UTS2B: variants seen among roughly 807,000 people sequenced by gnomAD.
UTS2B encodes urotensin 2B.
UTS2B carries 21 observed loss-of-function variants against 19.2 expected under a neutral mutation model. That is an observed-to-expected ratio of 1.09 (90% CI 0.78 to 1.58). The LOEUF (loss-of-function observed/expected upper bound fraction) is 1.58. UTS2B is among the 40% of genes most tolerant of loss of function. The pLI is 0.00. For synonymous variants in UTS2B, 57 were observed against 50.2 expected, an observed-to-expected ratio of 1.14 and a Z score of -0.58; for missense variants, 138 against 130.3, an observed-to-expected ratio of 1.06 and a Z score of -0.29.
chr3:191,303,452 C>G lies in UTS2B; in HGVS notation c.-125+1040G>C, dbSNP rs1052348041. 2.6e-5 allele frequency among the ~76,000 whole-genome samples: 4 copies of G among 151,994 alleles called. No homozygotes were observed. In the East Asian group the frequency reaches 7.7e-4, roughly 29 times the overall value. On this transcript the variant is annotated intron_variant, in intron 4 of 8. Transcript: ENST00000340524. ...ATCTCTAACAGACATCCCACATGTC[C>G]TTTGAACACACATTTGCTCTGAAAA...
intron 4 of UTS2B, among the ~76,000 whole-genome samples, chr3:191,285,498 C>T (rs1452702377): frequency 6.6e-6 from 1 of 152,146 alleles, no homozygotes; most frequent in Non-Finnish European, 1.5e-5. Context: ...CTATAATTAC[C>T]TTGAGTATAC....
chr3:191,337,101 A>G, the UTS2B span, among the ~76,000 whole-genome samples: 1 of 152,058 alleles, frequency 6.6e-6, no homozygotes, highest in Non-Finnish European at 1.5e-5. Flanking sequence ...AGAGGCAGAG[A>G]TGAGTAGTTG....
chr3:191,299,682 C>T (rs759326956), intron 4 of UTS2B, among the ~76,000 whole-genome samples: 1 of 152,242 alleles, frequency 6.6e-6, no homozygotes, highest in Non-Finnish European at 1.5e-5. Flanking sequence ...GGGGTGGAAC[C>T]CCCACACAGA....
intron 4 of UTS2B, among the ~76,000 whole-genome samples, chr3:191,292,118 T>TG (rs1716737044): frequency 1.2e-5 from 1 of 81,202 alleles, no homozygotes; most frequent in Non-Finnish European, 2.7e-5. Context: ...TGCCAATTTC[T>TG]GAAAAAAAAA....
At chr3:191,341,115 C>G in the UTS2B span, among the ~76,000 whole-genome samples, 4 of 152,092 alleles carry the variant, frequency 2.6e-5, no homozygotes, top group Admixed American at 2.6e-4. Flanking sequence ...TTCCTAAGAG[C>G]AAGTACTCAC....
chr3:191,324,100 T>C (rs1452706588), intron 2 of UTS2B, among the ~76,000 whole-genome samples: 1 of 152,132 alleles, frequency 6.6e-6, no homozygotes, highest in Non-Finnish European at 1.5e-5. Context: ...CATTGCTGAA[T>C]CACTAATGGG....
In UTS2B at chr3:191,278,164, T is replaced by C; in HGVS notation, c.110A>G (p.Glu37Gly). Residue 37 changes from glutamate to glycine, a missense_variant, in exon 6 of 9, where the codon GAA (glutamate) becomes GGA (glycine). Transcript: ENST00000340524. ...TGTATATTTTTTATCTGGAAATATT[T>C]CATTTCCTATAATGATCAAAAACCA... is the stretch of plus-strand genomic sequence containing the variant. The part of the protein sequence containing the change: ...HGRPYLTQGN[E>G]IFPDKKYTNR... 1 of 1,497,724 alleles carries C rather than the reference T, an allele frequency of 6.7e-7. No homozygotes were observed. The highest frequency in any genetic ancestry group is 1.3e-5 in the South Asian group (1 of 79,154). 92.8% of individuals were successfully genotyped at this position (1,497,724 alleles called of 1,614,324 possible).
At chr3:191,317,376 A>G (rs1261608823) in intron 2 of UTS2B, among the ~76,000 whole-genome samples, 2 of 151,934 alleles carry the variant, frequency 1.3e-5, no homozygotes, top group Non-Finnish European at 2.9e-5. Context: ...TCCCGTCTGC[A>G]CCTCTCCCTC....
intron 4 of UTS2B, among the ~76,000 whole-genome samples, chr3:191,301,483 AT>A (rs750203551): frequency 0.19 from 21,769 of 113,072 alleles, 1,041 homozygotes; most frequent in Admixed American, 0.21. Flanking sequence ...ATTTTTGGTA[AT>A]TTTTTTTTTT....
intron 4 of UTS2B, among the ~76,000 whole-genome samples, chr3:191,297,973 C>T (rs946459604): frequency 1.3e-5 from 2 of 152,172 alleles, no homozygotes; most frequent in African/African-American, 2.4e-5. Context: ...GAATTCCAAG[C>T]GCTGGGCTTC....
At chr3:191,315,990 T>C (rs1350432827) in intron 3 of UTS2B, 46 bp downstream of exon 3, 20 of 152,246 alleles carry the variant, frequency 1.3e-4, no homozygotes, top group Admixed American at 1.3e-3. Context: ...TGTGTTTATT[T>C]ATTCAAATTT....
chr3:191,337,394 C>A, the UTS2B span, among the ~76,000 whole-genome samples: 1 of 151,748 alleles, frequency 6.6e-6, no homozygotes, highest in Non-Finnish European at 1.5e-5. Context: ...ATTTTTCTTT[C>A]TCTCTCTCTT....
upstream of UTS2B, among the ~76,000 whole-genome samples, chr3:191,333,815 A>G (rs1018261146): frequency 2.0e-5 from 3 of 152,114 alleles, no homozygotes; most frequent in African/African-American, 7.2e-5. Context: ...ATACCTTTTA[A>G]ACTGTGTGTA....
At chr3:191,338,654 C>G in the UTS2B span, among the ~76,000 whole-genome samples, 1 of 152,220 alleles carries the variant, frequency 6.6e-6, no homozygotes, top group Non-Finnish European at 1.5e-5. Flanking sequence ...GGTGGATCCA[C>G]AAATCATTCC....
At chr3:191,299,255 G>C (rs183406551) in intron 4 of UTS2B, among the ~76,000 whole-genome samples, 4 of 152,244 alleles carry the variant, frequency 2.6e-5, no homozygotes, top group Non-Finnish European at 5.9e-5. Context: ...TAATAGCCAA[G>C]ACAGTAAGAA....
At chr3:191,331,789 C>CAG (rs1463992752), upstream of UTS2B, among the ~76,000 whole-genome samples, 13 of 152,294 alleles carry the variant, frequency 8.5e-5, no homozygotes, top group Admixed American at 7.2e-4. Flanking sequence ...TACTCCCTAA[C>CAG]AGTGTCTTTA....
Position 191,284,975 on chromosome 3 carries a change from T to C in UTS2B, c.-124-2662A>G, listed in dbSNP as rs1716494112. ...CGTGCTGAAAGAACTGAGTGCTAATTAGTAACTTGAAAGCATGAATGTATA... is the reference window on the plus strand; with the variant it reads ...CGTGCTGAAAGAACTGAGTGCTAATCAGTAACTTGAAAGCATGAATGTATA... On this transcript the variant is annotated intron_variant, in intron 4 of 8. Coordinates refer to ENST00000340524, the MANE Select transcript of UTS2B (RefSeq NM_198152.5). 2.0e-5 allele frequency among the ~76,000 whole-genome samples: 3 copies of C among 152,108 alleles called. No individual in the cohort carries two copies. The South Asian group carries it at 6.2e-4, about 32-fold the overall frequency.
intron 6 of UTS2B, 41 bp downstream of exon 6, chr3:191,278,031 T>C (rs894757883): frequency 1.9e-6 from 2 of 1,073,448 alleles, no homozygotes; most frequent in African/African-American, 1.7e-5. Context: ...AATAAATTGT[T>C]ATTTTTTAAT....
At chr3:191,285,807 G>A (rs1292897224) in intron 4 of UTS2B, among the ~76,000 whole-genome samples, 1 of 152,016 alleles carries the variant, frequency 6.6e-6, no homozygotes, top group Non-Finnish European at 1.5e-5. Flanking sequence ...GCTGAGGCAG[G>A]GGAATCAATT....
Sources: gnomAD v4.1 joint callset for allele counts (sites outside exome capture counted in the v4.1 genomes callset) on GRCh38, gnomAD v4.1.1 for gene constraint, MANE v1.5 for transcripts, NCBI Gene and HGNC (gene_info 2026-07-23, HGNC 2026-07-21) for gene names.